ZBTB20: variants seen among roughly 807,000 people sequenced by gnomAD.
ZBTB20 encodes zinc finger and BTB domain-containing protein 20.
ZBTB20 carries 9 observed loss-of-function variants against 56.9 expected under a neutral mutation model. That is an observed-to-expected ratio of 0.16 (90% CI 0.10 to 0.28). ZBTB20 has a LOEUF of 0.28. Ranked by LOEUF, ZBTB20 falls within the 10% of genes least tolerant of loss-of-function variation. The pLI is 1.00. For missense variants in ZBTB20, 655 were observed against 1,003.0 expected, an observed-to-expected ratio of 0.65 and a Z score of 4.69; for synonymous variants, 417 against 420.7, an observed-to-expected ratio of 0.99 and a Z score of 0.11.
intron 4 of ZBTB20, among the ~76,000 whole-genome samples, chr3:114,830,988 A>G (rs1037855475): frequency 3.3e-5 from 5 of 151,612 alleles, no homozygotes; most frequent in African/African-American, 9.7e-5. Flanking sequence ...ATCTCCTGCA[A>G]TTCCTACCTA....
intron 3 of ZBTB20, among the ~76,000 whole-genome samples, chr3:114,964,797 T>C (rs939109766): frequency 6.6e-6 from 1 of 152,132 alleles, no homozygotes; most frequent in Non-Finnish European, 1.5e-5. Context: ...TTAGCTTTTA[T>C]GTAATATGAG....
chr3:114,852,194 C>A (rs914202025), intron 4 of ZBTB20, among the ~76,000 whole-genome samples: 4 of 151,704 alleles, frequency 2.6e-5, no homozygotes, highest in Non-Finnish European at 5.9e-5. Flanking sequence ...TTTATTTCTC[C>A]TTATTTGTCT....
chr3:114,884,910 C>T (rs1174847812), intron 4 of ZBTB20, among the ~76,000 whole-genome samples: 1 of 152,144 alleles, frequency 6.6e-6, no homozygotes, highest in East Asian at 1.9e-4. Context: ...ACCCTGGTAC[C>T]AGAGCAGACA....
intron 6 of ZBTB20, among the ~76,000 whole-genome samples, chr3:114,631,407 T>TTTTTTTTTTG (rs2058938952): frequency 7.4e-6 from 1 of 135,144 alleles, no homozygotes; most frequent in Non-Finnish European, 1.6e-5. Flanking sequence ...TTTTTTTTTT[T>TTTTTTTTTTG]TTTGAGATGG....
chr3:114,774,232 AAAAT>A (rs2069424811), intron 5 of ZBTB20, among the ~76,000 whole-genome samples: 1 of 152,238 alleles, frequency 6.6e-6, no homozygotes, highest in Non-Finnish European at 1.5e-5. Context: ...AATATGAAAG[AAAAT>A]AAGGGGAACA....
At chr3:115,143,139 T>TGA (rs1314641690) in intron 1 of ZBTB20, among the ~76,000 whole-genome samples, 1 of 152,184 alleles carries the variant, frequency 6.6e-6, no homozygotes, top group Non-Finnish European at 1.5e-5. Flanking sequence ...AGGTACCAAC[T>TGA]TTCCTTCTAT....
intron 6 of ZBTB20, among the ~76,000 whole-genome samples, chr3:114,588,545 T>C (rs2055416968): frequency 6.6e-6 from 1 of 152,190 alleles, no homozygotes. Flanking sequence ...AATTTTTTCT[T>C]ATAGTATTTC....
intron 4 of ZBTB20, among the ~76,000 whole-genome samples, chr3:114,848,512 AC>A (rs2074830832): frequency 6.6e-6 from 1 of 152,122 alleles, no homozygotes; most frequent in African/African-American, 2.4e-5. Context: ...TCTCGTCCAA[AC>A]AGAGAAAAAT....
intron 10 of ZBTB20, among the ~76,000 whole-genome samples, chr3:114,360,889 A>G (rs2081797798): frequency 6.6e-6 from 1 of 152,078 alleles, no homozygotes; most frequent in African/African-American, 2.4e-5. Context: ...AATAGGACCT[A>G]AGTTCCTTTT....
At chr3:114,579,915 A>G (rs2054473041) in intron 6 of ZBTB20, among the ~76,000 whole-genome samples, 1 of 151,746 alleles carries the variant, frequency 6.6e-6, no homozygotes, top group African/African-American at 2.4e-5. Context: ...GCCTACCTAC[A>G]ACCTACTGAT....
At chr3:114,378,050 G>T (rs989056674) in intron 10 of ZBTB20, among the ~76,000 whole-genome samples, 1 of 151,478 alleles carries the variant, frequency 6.6e-6, no homozygotes, top group African/African-American at 2.4e-5. Context: ...TTACCTTAAA[G>T]AAATTAGGCT....
chr3:114,568,560 T>C (rs1479754807), intron 6 of ZBTB20, among the ~76,000 whole-genome samples: 1 of 152,216 alleles, frequency 6.6e-6, no homozygotes, highest in Non-Finnish European at 1.5e-5. Context: ...TTTATAAAAA[T>C]TCCTGGTATG....
chr3:114,817,627 C>T (rs1321005401), intron 4 of ZBTB20, among the ~76,000 whole-genome samples: 2 of 151,810 alleles, frequency 1.3e-5, no homozygotes, highest in Non-Finnish European at 2.9e-5. Context: ...ATAAATATTT[C>T]ATTAGGAGTT....
At chr3:115,032,549 A>T (rs2080730963) in intron 2 of ZBTB20, among the ~76,000 whole-genome samples, 1 of 151,440 alleles carries the variant, frequency 6.6e-6, no homozygotes, top group Non-Finnish European at 1.5e-5. Context: ...AAACAGACAT[A>T]CTGGGAACAC....
intron 1 of ZBTB20, among the ~76,000 whole-genome samples, chr3:115,115,709 TG>T (rs773661392): frequency 3.3e-5 from 5 of 152,070 alleles, no homozygotes; most frequent in Non-Finnish European, 7.4e-5. Context: ...ATTTTAATAT[TG>T]TTTTTTAAAT....
At chr3:114,789,578 A>T (rs970251174) in intron 5 of ZBTB20, among the ~76,000 whole-genome samples, 16 of 152,172 alleles carry the variant, frequency 1.1e-4, no homozygotes, top group African/African-American at 3.4e-4. Flanking sequence ...AGTGAAGGTA[A>T]TTTTAAAAGC....
At chr3:114,630,676 C>A (rs1265442175) in intron 6 of ZBTB20, among the ~76,000 whole-genome samples, 1 of 152,168 alleles carries the variant, frequency 6.6e-6, no homozygotes, top group Admixed American at 6.5e-5. Context: ...TGCATGACAA[C>A]CAGGAAGGAA....
At chr3:115,068,278 T>G (rs1013713988) in intron 2 of ZBTB20, among the ~76,000 whole-genome samples, 9 of 152,162 alleles carry the variant, frequency 5.9e-5, no homozygotes, top group Middle Eastern at 3.4e-3. Flanking sequence ...GTTTTACTGT[T>G]GTCTTCATGT....
chr3:115,068,499 A>G (rs79412482), intron 2 of ZBTB20, among the ~76,000 whole-genome samples: 4,629 of 152,230 alleles, frequency 0.03, 87 homozygotes, highest in South Asian at 0.039. Context: ...TGACTGAAAT[A>G]AAAGCACAAG....
Sources: gnomAD v4.1 joint callset for allele counts (sites outside exome capture counted in the v4.1 genomes callset) on GRCh38, gnomAD v4.1.1 for gene constraint, MANE v1.5 for transcripts, NCBI Gene and HGNC (gene_info 2026-07-23, HGNC 2026-07-21) for gene names.